Variants in CARD18 observed in about 807,000 individuals in gnomAD.
CARD18 encodes caspase recruitment domain family member 18.
CARD18 carries 7 observed loss-of-function variants against 7.9 expected under a neutral mutation model. The observed-to-expected ratio is 0.88, with a 90% CI of 0.50 to 1.66. The LOEUF (loss-of-function observed/expected upper bound fraction) is 1.66. Among genes scored for constraint, CARD18 ranks in the 40% most tolerant of loss-of-function variants. The pLI, the probability that CARD18 is intolerant of heterozygous loss-of-function variation, is 0.00. For missense variants in CARD18, 134 were observed against 105.5 expected (o/e 1.27, Z -1.18); for synonymous variants, 34 against 34.8 (o/e 0.98, Z 0.08).
rs1257674069 is a variant in CARD18, at chr11:105,139,254, C to CAT, written c.8-178_8-177dup. 4.6e-6 allele frequency: 3 copies of CAT among 656,068 alleles called. No homozygotes were observed. In the Admixed American group the frequency reaches 9.5e-5, roughly 21 times the overall value. 40.6% of individuals were successfully genotyped at this position (656,068 alleles called of 1,614,324 possible). A position where few individuals can be genotyped will look rare whatever the true frequency, so the allele number is the denominator to read the frequency against. ...TTCCTTCTGATTCTAGCATTACCTA[C>CAT]ATATGCTCACTGAGTGACCTGGGAA... On this transcript the variant is annotated intron_variant, in intron 1 of 2. Transcript: ENST00000530950.
chr11:105,138,915 C>G lies in CARD18; in HGVS notation c.171G>C (p.Leu57Phe), dbSNP rs1213752009. 1 of 1,613,746 alleles carries G rather than the reference C, an allele frequency of 6.2e-7. No individual in the cohort carries two copies. The change falls in exon 2 of 3, where the codon TTG becomes TTC. Residue 57 changes from leucine to phenylalanine, a missense_variant. By Grantham distance (22) the Leu-to-Phe change is conservative. Coordinates refer to ENST00000530950, the MANE Select transcript of CARD18 (RefSeq NM_021571.4). The part of the protein sequence containing the change: ...NDTVMDKARV[L>F]IDLVTGKGPK... ...GTCCTTTTCCAGTAACAAGGTCAAT[C>G]AAGACTCGAGCCTTATCCATGACAG... is the stretch of plus-strand genomic sequence containing the variant.
chr11:105,139,692 A>G, intron 1 of CARD18, 28 bp downstream of exon 1: 1 of 1,598,298 alleles, frequency 6.3e-7, no homozygotes, highest in Non-Finnish European at 8.5e-7. Context: ...CCTCCCTAAG[A>G]CCTATCCTCT....
chr11:105,138,822 A>G lies in CARD18; in HGVS notation c.264T>C (p.Gly88=). Residue 88 remains glycine (G), a synonymous_variant, in exon 2 of 3, where the codon GGT becomes GGC. Transcript: ENST00000530950. ...EEDPQLASKM[G]LH The stretch of plus-strand genomic sequence containing the variant: ...ATCATTCCACCTTACCTTAGTGCAA[A>G]CCCATCTTTGAGGCAAGTTGAGGGT... 1.2e-6 allele frequency: 2 copies of G among 1,613,498 alleles called. No individual in the cohort carries two copies. Among genetic ancestry groups the G allele is most frequent in the South Asian group, 2.2e-5 (2 of 91,072 alleles).
chr11:105,139,054 C>A lies in CARD18; in HGVS notation c.32G>T (p.Arg11Ile), dbSNP rs751128907. The change falls in exon 2 of 3, where the codon AGA becomes ATA. Residue 11 changes from arginine to isoleucine, a missense_variant. By Grantham distance (97) the Arg-to-Ile change is moderately conservative. Coordinates refer to ENST00000530950, the MANE Select transcript of CARD18 (RefSeq NM_021571.4). MADQLLRKKR[R>I]IFIHSVGAGT... The stretch of plus-strand genomic sequence containing the variant: ...TGCACCCACTGAATGGATAAAAATT[C>A]TTCTCTTTTTACGCAAGAGTTGGTC... The A allele has an allele frequency of 5.6e-6, 9 of 1,613,034 alleles. No homozygotes were observed. Among genetic ancestry groups the A allele is most frequent in the South Asian group, 2.2e-5 (2 of 90,972 alleles).
In CARD18 at chr11:105,137,872, C is replaced by A. The variant is rs1865425073; in HGVS notation, c.*228G>T. ...ACTTTCTTAATTACATTACAATCATCATGACCTTCATTATTATTGATGAAT... is the reference window on the plus strand; with the variant it reads ...ACTTTCTTAATTACATTACAATCATAATGACCTTCATTATTATTGATGAAT... On this transcript the variant is annotated 3_prime_UTR_variant, in exon 3 of 3. Transcript: ENST00000530950. 1 of 152,056 alleles carries A rather than the reference C, an allele frequency of 6.6e-6. No individual in the cohort carries two copies. 9.4% of individuals were successfully genotyped at this position (152,056 alleles called of 1,614,324 possible). A position where few individuals can be genotyped will look rare whatever the true frequency, so the allele number is the denominator to read the frequency against.
chr11:105,138,774 G>C (rs781627679), intron 2 of CARD18, 38 bp downstream of exon 2: 2 of 1,602,618 alleles, frequency 1.2e-6, no homozygotes, highest in East Asian at 4.5e-5. Flanking sequence ...CAAGATACAG[G>C]GCCTATTTGG....
At chr11:105,139,516 G>A (rs1017845990) in intron 1 of CARD18, 84 of 586,502 alleles carry the variant, frequency 1.4e-4, no homozygotes, top group Middle Eastern at 4.6e-4. Flanking sequence ...ATACCAGTAG[G>A]ATCCCAGATT....
intron 1 of CARD18, 112 bp downstream of exon 1, chr11:105,139,608 C>A: frequency 8.4e-7 from 1 of 1,184,140 alleles, no homozygotes; most frequent in South Asian, 1.3e-5. Flanking sequence ...TCTTCTTTCT[C>A]TCTCCACCCC....
In CARD18 at chr11:105,139,434, C is replaced by T. The variant is rs117417424; in HGVS notation, c.7+286G>A. ...TTTGAGAACAACAGCTACTGATACC[C>T]ATCCTGTGCCCATTCTCATCCTGAA... On this transcript the variant is annotated intron_variant, in intron 1 of 2. Coordinates refer to ENST00000530950, the MANE Select transcript of CARD18 (RefSeq NM_021571.4). 777 of 545,908 alleles carry T rather than the reference C, an allele frequency of 1.4e-3. 6 individuals carry two copies. In the East Asian group the frequency reaches 0.021, roughly 15 times the overall value. The allele number at this position is 545,908 out of a possible 1,614,324, so 33.8% of individuals were successfully genotyped here.
chr11:105,138,827 T>C lies in CARD18; in HGVS notation c.259A>G (p.Met87Val). 6.2e-7 allele frequency: 1 copy of C among 1,613,594 alleles called. No individual in the cohort carries two copies. Residue 87 changes from methionine (M) to valine (V), a missense_variant, in exon 2 of 3, where the codon ATG becomes GTG. By Grantham distance (21) the Met-to-Val change is conservative (BLOSUM62 1). Coordinates refer to ENST00000530950, the MANE Select transcript of CARD18 (RefSeq NM_021571.4). ...CEEDPQLASK[M>V]GLH Reference sequence around the variant, plus strand: ...TCCACCTTACCTTAGTGCAAACCCATCTTTGAGGCAAGTTGAGGGTCTTCT... The same window carrying C: ...TCCACCTTACCTTAGTGCAAACCCACCTTTGAGGCAAGTTGAGGGTCTTCT...
rs765788706 is a variant in CARD18 at position 105,139,043 on chromosome 11, G to C, written c.43C>G (p.His15Asp). The C allele has an allele frequency of 6.2e-7, 1 of 1,613,190 alleles. No homozygotes were observed. The highest frequency in any genetic ancestry group is 8.5e-7 in the Non-Finnish European group (1 of 1,179,542). The change falls in exon 2 of 3, where the codon CAT becomes GAT. Residue 15 changes from histidine to aspartate, a missense_variant. By Grantham distance (81) the His-to-Asp change is moderately conservative. Coordinates refer to ENST00000530950, the MANE Select transcript of CARD18 (RefSeq NM_021571.4). ...LLRKKRRIFIHSVGAGTINAL... is the reference protein window; with the variant it reads ...LLRKKRRIFIDSVGAGTINAL... ...TTTATTGTGCCTGCACCCACTGAAT[G>C]GATAAAAATTCTTCTCTTTTTACGC...
Position 105,139,463 on chromosome 11 carries a change from C to T in CARD18, c.7+257G>A, listed in dbSNP as rs1412046179. The T allele has an allele frequency of 2.1e-5, 12 of 566,466 alleles. No individual in the cohort carries two copies. The South Asian group carries it at 2.4e-4, about 11-fold the overall frequency. The allele number at this position is 566,466 out of a possible 1,614,324, so 35.1% of individuals were successfully genotyped here. On this transcript the variant is annotated intron_variant, in intron 1 of 2. Coordinates refer to ENST00000530950, the MANE Select transcript of CARD18 (RefSeq NM_021571.4). ...CTGTGCCCATTCTCATCCTGAACTA[C>T]ATAACTCTTCAAATGTGGACAACAC...
Position 105,139,034 on chromosome 11 carries a change from C to T in CARD18, c.52G>A (p.Gly18Ser). 1 of 1,613,374 alleles carries T rather than the reference C, an allele frequency of 6.2e-7. No individual in the cohort carries two copies. The highest frequency in any genetic ancestry group is 8.5e-7 in the Non-Finnish European group (1 of 1,179,586). ...AGCAAGGCATTTATTGTGCCTGCAC[C>T]CACTGAATGGATAAAAATTCTTCTC... is the stretch of plus-strand genomic sequence containing the variant. ...KKRRIFIHSV[G>S]AGTINALLDC... is the part of the protein sequence containing the mutation. The change falls in exon 2 of 3, where the codon GGT becomes AGT. Residue 18 changes from glycine (G) to serine (S), a missense_variant. By Grantham distance (56) the Gly-to-Ser change is moderately conservative (BLOSUM62 0). Transcript: ENST00000530950.
intron 1 of CARD18, 41 bp from the exon 2 acceptor site, chr11:105,139,119 A>T: frequency 2.5e-6 from 4 of 1,586,588 alleles, no homozygotes; most frequent in Non-Finnish European, 3.4e-6. Context: ...TGAACATGAC[A>T]CAATTTCCCT....
rs1248851517 is a variant in CARD18 at position 105,138,963 on chromosome 11, G to T, written c.123C>A (p.Asn41Lys). The T allele has an allele frequency of 6.2e-7, 1 of 1,613,708 alleles. No individual in the cohort carries two copies. Among genetic ancestry groups the T allele is most frequent in the Non-Finnish European group, 8.5e-7 (1 of 1,179,740 alleles). The part of the protein sequence containing the change: ...EDEVISQEDM[N>K]KVRDENDTVM... The stretch of plus-strand genomic sequence containing the variant: ...CAGTGTCATTTTCATCTCTCACTTT[G>T]TTCATGTCTTCCTGGCTAATAACTT... Residue 41 changes from asparagine (N) to lysine (K), a missense_variant, in exon 2 of 3, where the codon AAC becomes AAA. By Grantham distance (94) the Asn-to-Lys change is moderately conservative. Transcript: ENST00000530950.
rs772372716 is a variant in CARD18, at chr11:105,137,728, C to T, written c.*372G>A. On this transcript the variant is annotated 3_prime_UTR_variant, in exon 3 of 3. Coordinates refer to ENST00000530950, the MANE Select transcript of CARD18 (RefSeq NM_021571.4). ...AAGCAACGCTATTTAAAATTCTGAG[C>T]TGGGACTTCATTTTATTCCCATCAC... 5 of 152,118 alleles carry T rather than the reference C, an allele frequency of 3.3e-5. No individual in the cohort carries two copies. Among genetic ancestry groups the T allele is most frequent in the Non-Finnish European group, 7.4e-5 (5 of 68,026 alleles). 9.4% of individuals were successfully genotyped at this position (152,118 alleles called of 1,614,324 possible). A position where few individuals can be genotyped will look rare whatever the true frequency, so the allele number is the denominator to read the frequency against.
chr11:105,138,441 T>C (rs1160538263), intron 2 of CARD18, among the ~76,000 whole-genome samples: 1 of 152,176 alleles, frequency 6.6e-6, no homozygotes. Flanking sequence ...AAAGAGCTTA[T>C]ACCTTCTCTT....
At chr11:105,138,334 T>C (rs1018202504) in intron 2 of CARD18, among the ~76,000 whole-genome samples, 1 of 152,216 alleles carries the variant, frequency 6.6e-6, no homozygotes, top group Admixed American at 6.5e-5. Context: ...TAATTTTATA[T>C]ACACACTCAA....
chr11:105,139,736 C>G lies in CARD18; in HGVS notation c.-10G>C, dbSNP rs369430361. On this transcript the variant is annotated 5_prime_UTR_variant, in exon 1 of 3. Coordinates refer to ENST00000530950, the MANE Select transcript of CARD18 (RefSeq NM_021571.4). ...AAGACTCACCAGCCATGGCTCCTCACGTTGGCACTTGCAATGTGTGTTACA... is the reference window on the plus strand; with the variant it reads ...AAGACTCACCAGCCATGGCTCCTCAGGTTGGCACTTGCAATGTGTGTTACA... 3.8e-6 allele frequency: 6 copies of G among 1,598,822 alleles called. No homozygotes were observed. Among genetic ancestry groups the G allele is most frequent in the Non-Finnish European group, 5.1e-6 (6 of 1,179,394 alleles).
Sources: gnomAD v4.1 joint callset for allele counts (sites outside exome capture counted in the v4.1 genomes callset) on GRCh38, gnomAD v4.1.1 for gene constraint, MANE v1.5 for transcripts, NCBI Gene and HGNC (gene_info 2026-07-23, HGNC 2026-07-21) for gene names.